The following ZNF385D variants were observed in gnomAD, a reference collection of about 807,000 sequenced individuals.
ZNF385D encodes the protein zinc finger protein 385D.
A neutral mutation model predicts 35.8 loss-of-function variants in ZNF385D; 15 were observed. The observed-to-expected ratio is 0.42, with a 90% confidence interval of 0.28 to 0.64. The LOEUF (loss-of-function observed/expected upper bound fraction) is 0.64. Ranked by LOEUF, ZNF385D falls within the 30% of genes least tolerant of loss-of-function variation. The pLI is 0.23. For synonymous variants in ZNF385D, 212 were observed against 186.8 expected, an observed-to-expected ratio of 1.13 and a Z score of -1.10; for missense variants, 474 against 494.6, an observed-to-expected ratio of 0.96 and a Z score of 0.39.
At position 22,078,825 on chromosome 3, in the gene ZNF385D, T is replaced by C. The variant is rs146241444; in HGVS notation, c.325+89992A>G. On this transcript the variant is annotated intron_variant, in intron 3 of 5. Transcript: ENST00000494108. ...ATGGTTTCAAAATAATATGGATATA[T>C]AAGCAAAGATAAGTTCTATAATACT... 6.6e-5 allele frequency among the ~76,000 whole-genome samples: 10 copies of C among 152,184 alleles called. No individual in the cohort carries two copies. In the East Asian group the frequency reaches 1.9e-3, roughly 29 times the overall value.
At chr3:22,147,926 G>T (rs1576402342) in intron 3 of ZNF385D, among the ~76,000 whole-genome samples, 2 of 152,076 alleles carry the variant, frequency 1.3e-5, no homozygotes, top group African/African-American at 2.4e-5. Context: ...CTCCAATACA[G>T]AAAAAAAGTC....
intron 3 of ZNF385D, among the ~76,000 whole-genome samples, chr3:21,978,478 T>C (rs898557801): frequency 6.6e-6 from 1 of 152,234 alleles, no homozygotes; most frequent in Non-Finnish European, 1.5e-5. Context: ...CTGGCAAAAG[T>C]AGATTAGGAT....
intron 3 of ZNF385D, among the ~76,000 whole-genome samples, chr3:21,544,106 G>A (rs1003134886): frequency 6.6e-6 from 1 of 152,162 alleles, no homozygotes; most frequent in Non-Finnish European, 1.5e-5. Context: ...AAAATCTGTG[G>A]TACCTTTCAG....
chr3:22,193,135 A>G (rs1190198484), intron 2 of ZNF385D, among the ~76,000 whole-genome samples: 1 of 152,176 alleles, frequency 6.6e-6, no homozygotes, highest in African/African-American at 2.4e-5. Context: ...TTGTTTGAAA[A>G]TTAATAATTC....
intron 2 of ZNF385D, among the ~76,000 whole-genome samples, chr3:22,251,254 G>A (rs752850165): frequency 6.6e-6 from 1 of 152,070 alleles, no homozygotes; most frequent in Non-Finnish European, 1.5e-5. Context: ...TCTTTACATA[G>A]GTGTCTACTG....
At chr3:21,860,388 C>T (rs907889213) in intron 3 of ZNF385D, among the ~76,000 whole-genome samples, 5 of 152,098 alleles carry the variant, frequency 3.3e-5, no homozygotes, top group African/African-American at 1.2e-4. Flanking sequence ...AGTTTGACAA[C>T]CCCCATATAT....
chr3:21,767,928 T>A (rs1449863971), intron 3 of ZNF385D, among the ~76,000 whole-genome samples: 1 of 152,110 alleles, frequency 6.6e-6, no homozygotes, highest in Non-Finnish European at 1.5e-5. Flanking sequence ...GTATCCTTTA[T>A]CATAAATTCT....
intron 3 of ZNF385D, among the ~76,000 whole-genome samples, chr3:21,913,825 C>G (rs570486596): frequency 1.3e-5 from 2 of 152,152 alleles, no homozygotes; most frequent in African/African-American, 4.8e-5. Flanking sequence ...ATCATAGATC[C>G]ATGCCTCATA....
intron 2 of ZNF385D, among the ~76,000 whole-genome samples, chr3:22,259,700 A>T (rs1206342276): frequency 6.6e-6 from 1 of 152,014 alleles, no homozygotes; most frequent in Non-Finnish European, 1.5e-5. Flanking sequence ...TAGGAAAAAA[A>T]CTATGAGCAC....
At chr3:21,693,450 T>C (rs1010915380) in intron 1 of ZNF385D, among the ~76,000 whole-genome samples, 52 of 152,298 alleles carry the variant, frequency 3.4e-4, no homozygotes, top group African/African-American at 1.2e-3. Context: ...TATAGACCCT[T>C]GTCTCAGGCT....
At chr3:21,552,510 A>G (rs1175381459) in intron 3 of ZNF385D, among the ~76,000 whole-genome samples, 1 of 152,222 alleles carries the variant, frequency 6.6e-6, no homozygotes, top group Non-Finnish European at 1.5e-5. Flanking sequence ...AACATAATTT[A>G]AAGGTTGGTA....
intron 1 of ZNF385D, among the ~76,000 whole-genome samples, chr3:21,734,312 A>C (rs2125499669): frequency 6.6e-6 from 1 of 152,062 alleles, no homozygotes; most frequent in African/African-American, 2.4e-5. Flanking sequence ...TGTTGGAGAA[A>C]CACGGGAATT....
chr3:22,043,264 T>A lies in ZNF385D; in HGVS notation c.325+125553A>T, dbSNP rs35918115. On this transcript the variant is annotated intron_variant, in intron 3 of 5. Transcript: ENST00000494108. ...AAAGAAATCTTGCTAATTGGAAGCATTGAAAACAATGTATGGTTCAAACAC... is the reference window on the plus strand; with the variant it reads ...AAAGAAATCTTGCTAATTGGAAGCAATGAAAACAATGTATGGTTCAAACAC... Among the ~76,000 whole-genome samples, 37 of 152,184 alleles carry A rather than the reference T, an allele frequency of 2.4e-4. 1 individual carries two copies. The South Asian group carries it at 7.5e-3, about 31-fold the overall frequency.
intron 2 of ZNF385D, among the ~76,000 whole-genome samples, chr3:22,235,430 C>T (rs1322043652): frequency 6.6e-6 from 1 of 152,028 alleles, no homozygotes; most frequent in Non-Finnish European, 1.5e-5. Context: ...GGACGAAACA[C>T]TCAGAGGGCA....
At chr3:21,665,964 C>T (rs573602966) in intron 1 of ZNF385D, among the ~76,000 whole-genome samples, 8 of 152,184 alleles carry the variant, frequency 5.3e-5, no homozygotes, top group Non-Finnish European at 7.3e-5. Flanking sequence ...AAGCAACAGA[C>T]TGTAAAAACC....
rs117082901 is a variant in ZNF385D, at chr3:22,060,764, A to C, written c.325+108053T>G. Among the ~76,000 whole-genome samples the C allele has an allele frequency of 2.5e-3, 382 of 152,200 alleles. 14 individuals are homozygous for C. In the East Asian group the frequency reaches 0.07, roughly 28 times the overall value. On this transcript the variant is annotated intron_variant, in intron 3 of 5. Transcript: ENST00000494108. ...AGCACTGTTCAACTAGAAAATAAGAAAGTCTAATAAGAGAAGCCATCCACG... is the reference window on the plus strand; with the variant it reads ...AGCACTGTTCAACTAGAAAATAAGACAGTCTAATAAGAGAAGCCATCCACG...
rs552062598 is a variant in ZNF385D, at chr3:21,843,337, G to T, written c.326-178309C>A. Among the ~76,000 whole-genome samples the T allele has an allele frequency of 5.3e-5, 8 of 152,000 alleles. No homozygotes were observed. In the East Asian group the frequency reaches 1.4e-3, roughly 26 times the overall value. ...ACTTATCATCGGCCTAGTCAAGAAG[G>T]TCACCAATGTGACATTAGTGGACCA... On this transcript the variant is annotated intron_variant, in intron 3 of 5. Transcript: ENST00000494108.
rs938203626 is a variant in ZNF385D, at chr3:21,652,478, TTTA to T, written c.165+12405_165+12407del. 3.9e-5 allele frequency among the ~76,000 whole-genome samples: 6 copies of T among 152,098 alleles called. No individual in the cohort carries two copies. In the East Asian group the frequency reaches 5.8e-4, roughly 15 times the overall value. On this transcript the variant is annotated intron_variant, in intron 2 of 7. Coordinates refer to ENST00000281523, the MANE Select transcript of ZNF385D (RefSeq NM_024697.3). ...TAAAGTATTAATATATTTTTTTAAT[TTTA>T]TTATTATTATACTTTAAGTTTTAGG...
At chr3:22,178,616 G>A (rs2125774542) in intron 2 of ZNF385D, among the ~76,000 whole-genome samples, 1 of 152,180 alleles carries the variant, frequency 6.6e-6, no homozygotes, top group Non-Finnish European at 1.5e-5. Flanking sequence ...TTTGGCTTTT[G>A]TTGCCATTGC....
Sources: allele counts gnomAD v4.1 joint callset (sites outside exome capture counted in the v4.1 genomes callset), GRCh38; gene constraint gnomAD v4.1.1; transcripts MANE v1.5; gene names NCBI Gene and HGNC (gene_info 2026-07-23, HGNC 2026-07-21).